ANAPC10: variants seen among roughly 807,000 people sequenced by gnomAD.
ANAPC10 encodes anaphase-promoting complex subunit 10.
Under a neutral mutation model 22.0 loss-of-function variants are expected in ANAPC10, and 12 were observed. The observed-to-expected ratio is 0.55, with a 90% CI of 0.35 to 0.88. The LOEUF (loss-of-function observed/expected upper bound fraction) is 0.88. Ranked by LOEUF, ANAPC10 falls within the 40% of genes least tolerant of loss-of-function variation. ANAPC10 has a pLI of 0.01. For missense variants in ANAPC10, 188 were observed against 220.9 expected (o/e 0.85, Z 0.94); for synonymous variants, 65 against 69.5 (o/e 0.94, Z 0.32).
intron 4 of ANAPC10, among the ~76,000 whole-genome samples, chr4:145,046,338 C>G (rs1465643370): frequency 6.6e-6 from 1 of 151,976 alleles, no homozygotes; most frequent in Non-Finnish European, 1.5e-5. Flanking sequence ...ATACATCCTG[C>G]ATAGAAAGTA....
intron 3 of ANAPC10, among the ~76,000 whole-genome samples, chr4:145,065,706 T>C (rs1743574528): frequency 6.6e-6 from 1 of 151,962 alleles, no homozygotes; most frequent in Admixed American, 6.6e-5. Flanking sequence ...ATAGAACTAT[T>C]TAAAATAATC....
At chr4:145,074,271 G>T (rs1744891005) in intron 3 of ANAPC10, among the ~76,000 whole-genome samples, 1 of 151,570 alleles carries the variant, frequency 6.6e-6, no homozygotes, top group Non-Finnish European at 1.5e-5. Flanking sequence ...TCTACGTTAG[G>T]ACTTATTTCT....
intron 4 of ANAPC10, among the ~76,000 whole-genome samples, chr4:145,000,746 C>G (rs1324009727): frequency 6.6e-6 from 1 of 151,980 alleles, no homozygotes; most frequent in Non-Finnish European, 1.5e-5. Flanking sequence ...GACACATGCA[C>G]ACGTTTATTG....
At chr4:145,001,413 GT>G (rs1320959269) in intron 4 of ANAPC10, among the ~76,000 whole-genome samples, 1 of 152,184 alleles carries the variant, frequency 6.6e-6, no homozygotes, top group Non-Finnish European at 1.5e-5. Context: ...CTTAAGAGTA[GT>G]CAAAAATCAT....
At chr4:145,043,847 T>C (rs999817764) in intron 4 of ANAPC10, among the ~76,000 whole-genome samples, 8 of 152,104 alleles carry the variant, frequency 5.3e-5, no homozygotes, top group African/African-American at 1.4e-4. Context: ...ATTCTTTTTT[T>C]TCCCTTTGAA....
chr4:145,052,846 C>A (rs1258798544), intron 4 of ANAPC10, among the ~76,000 whole-genome samples: 1 of 150,824 alleles, frequency 6.6e-6, no homozygotes, highest in Non-Finnish European at 1.5e-5. Flanking sequence ...CGAGATTGCA[C>A]CACTGCACTC....
intron 4 of ANAPC10, among the ~76,000 whole-genome samples, chr4:145,001,239 TGAGGGAGG>T (rs1175458150): frequency 4.6e-5 from 2 of 43,056 alleles, no homozygotes; most frequent in East Asian, 7.8e-4. Flanking sequence ...AAGGAGGGAG[TGAGGGAGG>T]GAGGGAGGGA....
intron 4 of ANAPC10, among the ~76,000 whole-genome samples, chr4:145,044,319 G>T (rs1320638551): frequency 6.6e-6 from 1 of 152,066 alleles, no homozygotes; most frequent in African/African-American, 2.4e-5. Flanking sequence ...TTAAGATACA[G>T]AACAAGGGTA....
chr4:144,999,305 CACA>C (rs1477076126), intron 4 of ANAPC10: 1 of 153,966 alleles, frequency 6.5e-6, no homozygotes, highest in Non-Finnish European at 1.4e-5. Context: ...CTGGCAGAGA[CACA>C]ACAAGAAAAG....
chr4:145,092,314 A>C (rs1747795739), intron 2 of ANAPC10, among the ~76,000 whole-genome samples: 1 of 152,146 alleles, frequency 6.6e-6, no homozygotes, highest in Non-Finnish European at 1.5e-5. Context: ...TGTACCCCAG[A>C]ACTTAAACTT....
chr4:145,046,474 T>C (rs1740313794), intron 4 of ANAPC10, among the ~76,000 whole-genome samples: 1 of 152,098 alleles, frequency 6.6e-6, no homozygotes, highest in South Asian at 2.1e-4. Flanking sequence ...TCAAAGGAAG[T>C]ATCCACGTTA....
At chr4:145,084,054 A>G (rs1225005522) in intron 2 of ANAPC10, among the ~76,000 whole-genome samples, 1 of 151,916 alleles carries the variant, frequency 6.6e-6, no homozygotes, top group Non-Finnish European at 1.5e-5. Context: ...CACTGCAGCC[A>G]TGACCTGCTG....
At chr4:145,024,525 C>T (rs919953059) in intron 4 of ANAPC10, among the ~76,000 whole-genome samples, 5 of 152,186 alleles carry the variant, frequency 3.3e-5, no homozygotes, top group African/African-American at 9.7e-5. Flanking sequence ...TTTCCTTGTA[C>T]ATCTCCATCA....
intron 1 of ANAPC10, chr4:145,097,409 TA>T (rs1748729207): frequency 3.8e-6 from 4 of 1,053,800 alleles, no homozygotes; most frequent in Non-Finnish European, 5.2e-6. Context: ...TCGTGAACAA[TA>T]TGTAAAACTG....
chr4:145,035,813 C>T (rs1450472740), intron 4 of ANAPC10, among the ~76,000 whole-genome samples: 3 of 152,154 alleles, frequency 2.0e-5, no homozygotes, highest in Non-Finnish European at 2.9e-5. Flanking sequence ...ATTTAACCAA[C>T]TTCTACTTGG....
chr4:145,089,326 A>G (rs1747335153), intron 2 of ANAPC10, among the ~76,000 whole-genome samples: 1 of 152,310 alleles, frequency 6.6e-6, no homozygotes, highest in South Asian at 2.1e-4. Context: ...AACAGGGAAC[A>G]AATAGCATAT....
chr4:145,047,901 T>G (rs1740558077), intron 4 of ANAPC10, among the ~76,000 whole-genome samples: 2 of 152,142 alleles, frequency 1.3e-5, no homozygotes, highest in African/African-American at 4.8e-5. Context: ...TTCTCATTCC[T>G]CAGTCTCTCT....
intron 4 of ANAPC10, among the ~76,000 whole-genome samples, chr4:145,054,857 T>A (rs1294511825): frequency 6.6e-6 from 1 of 152,088 alleles, no homozygotes; most frequent in Non-Finnish European, 1.5e-5. Context: ...CGCATCTATT[T>A]TATTCATTCT....
At chr4:145,041,501 GC>G (rs1182375097) in intron 4 of ANAPC10, among the ~76,000 whole-genome samples, 1 of 152,236 alleles carries the variant, frequency 6.6e-6, no homozygotes, top group Non-Finnish European at 1.5e-5. Flanking sequence ...ATGCCAGGTT[GC>G]CCTGTGAAGA....
Sources: gnomAD v4.1 joint callset for allele counts (sites outside exome capture counted in the v4.1 genomes callset) on GRCh38, gnomAD v4.1.1 for gene constraint, MANE v1.5 for transcripts, NCBI Gene and HGNC (gene_info 2026-07-23, HGNC 2026-07-21) for gene names.